The following HPSE2 variants were observed in gnomAD, a reference collection of about 807,000 sequenced individuals.
HPSE2 encodes heparanase 2 (inactive), also known as inactive heparanase-2.
In HPSE2, 38 loss-of-function variants were observed where a neutral mutation model predicts 60.5. That is an observed-to-expected ratio of 0.63 (90% CI 0.48 to 0.82). The LOEUF (loss-of-function observed/expected upper bound fraction) is 0.82. HPSE2 is among the 40% of genes least tolerant of loss of function. The pLI is 0.00. For synonymous variants in HPSE2, 295 were observed against 293.2 expected (o/e 1.01, Z -0.06); for missense variants, 713 against 740.4 (o/e 0.96, Z 0.43).
intron 3 of HPSE2, among the ~76,000 whole-genome samples, chr10:98,937,647 C>T (rs1402929514): frequency 3.5e-5 from 5 of 142,988 alleles, no homozygotes; most frequent in Non-Finnish European, 7.5e-5. Flanking sequence ...TAGGCTCCAC[C>T]TCTGGGGGCA....
At chr10:99,130,684 A>AACCATTAAACC (rs1845347855) in intron 3 of HPSE2, among the ~76,000 whole-genome samples, 1 of 152,198 alleles carries the variant, frequency 6.6e-6, no homozygotes. Flanking sequence ...GTAGTCAAAA[A>AACCATTAAACC]GTTAAAAGGA....
chr10:99,069,853 A>G (rs191698296), intron 3 of HPSE2, among the ~76,000 whole-genome samples: 42 of 152,042 alleles, frequency 2.8e-4, no homozygotes, highest in African/African-American at 9.2e-4. Flanking sequence ...TGGTAACATG[A>G]AAAAAAACTA....
chr10:99,036,037 C>G (rs1234204383), intron 3 of HPSE2, among the ~76,000 whole-genome samples: 1 of 151,960 alleles, frequency 6.6e-6, no homozygotes, highest in African/African-American at 2.4e-5. Context: ...AAAGCAAGAC[C>G]CTGTTCCTAC....
At chr10:98,776,278 C>CAAAA (rs35176062) in intron 3 of HPSE2, among the ~76,000 whole-genome samples, 4,320 of 136,894 alleles carry the variant, frequency 0.032, 150 homozygotes, top group East Asian at 0.16. Context: ...ACTAAAAATA[C>CAAAA]AAAAAAAAAA....
intron 11 of HPSE2, among the ~76,000 whole-genome samples, chr10:98,467,339 G>A (rs970792679): frequency 2.6e-5 from 4 of 152,194 alleles, no homozygotes; most frequent in Admixed American, 6.5e-5. Flanking sequence ...AAACACGTGG[G>A]CAAAAGAACT....
chr10:99,258,569 C>T, the HPSE2 span, among the ~76,000 whole-genome samples: 13 of 152,212 alleles, frequency 8.5e-5, no homozygotes, highest in African/African-American at 2.9e-4. Context: ...GGACCTAGAA[C>T]AGGCAAAACC....
intron 3 of HPSE2, among the ~76,000 whole-genome samples, chr10:99,125,103 C>A (rs1379111087): frequency 6.6e-6 from 1 of 152,178 alleles, no homozygotes; most frequent in Non-Finnish European, 1.5e-5. Flanking sequence ...ATTACCCATG[C>A]CCCCAATCAG....
At chr10:98,845,505 T>C (rs1952013789) in intron 3 of HPSE2, among the ~76,000 whole-genome samples, 1 of 152,222 alleles carries the variant, frequency 6.6e-6, no homozygotes, top group African/African-American at 2.4e-5. Context: ...CAAATTTTCA[T>C]GAGAGAATCA....
intron 3 of HPSE2, among the ~76,000 whole-genome samples, chr10:99,060,079 T>C (rs1188776428): frequency 4.0e-5 from 6 of 151,230 alleles, no homozygotes; most frequent in African/African-American, 1.5e-4. Context: ...CCTATGGATA[T>C]AAAAGAATAA....
chr10:99,204,768 TA>T (rs1335699144), intron 2 of HPSE2, among the ~76,000 whole-genome samples: 1 of 152,160 alleles, frequency 6.6e-6, no homozygotes, highest in Non-Finnish European at 1.5e-5. Flanking sequence ...AAGTTGCAGA[TA>T]AACTGCATAG....
Position 98,565,265 on chromosome 10 carries a change from G to C in HPSE2, c.1320+49639C>G, listed in dbSNP as rs545305064. Among the ~76,000 whole-genome samples the C allele has an allele frequency of 5.7e-4, 87 of 151,714 alleles. 1 individual carries two copies. Among genetic ancestry groups the C allele is most frequent in the African/African-American group, 1.9e-3 (79 of 41,348 alleles). The stretch of plus-strand genomic sequence containing the variant: ...GGTGGTTTGCTGTACCTATCAACCC[G>C]TCATCTAGGTTTTAAGCCCCACATG... On this transcript the variant is annotated intron_variant, in intron 9 of 11. Transcript: ENST00000370552.
At chr10:99,104,854 T>C (rs368079042) in intron 3 of HPSE2, among the ~76,000 whole-genome samples, 13 of 151,930 alleles carry the variant, frequency 8.6e-5, no homozygotes, top group East Asian at 1.9e-4. Flanking sequence ...TAGGTGGGAA[T>C]TGAACAATGA....
intron 2 of HPSE2, among the ~76,000 whole-genome samples, chr10:99,215,903 G>A (rs1183962030): frequency 2.0e-5 from 3 of 152,238 alleles, no homozygotes; most frequent in Non-Finnish European, 4.4e-5. Flanking sequence ...TATAGGATGT[G>A]AATTCTATCT....
Position 98,864,391 on chromosome 10 carries a change from T to A in HPSE2, c.611-120335A>T, listed in dbSNP as rs190785626. 1.4e-4 allele frequency among the ~76,000 whole-genome samples: 22 copies of A among 152,254 alleles called. No individual in the cohort carries two copies. In the East Asian group the frequency reaches 4.0e-3, roughly 28 times the overall value. On this transcript the variant is annotated intron_variant, in intron 3 of 11. Transcript: ENST00000370552. The stretch of plus-strand genomic sequence containing the variant: ...GAGGAGAACGAACCATTGTAATACC[T>A]AAGTTTTCTCACACACACACTCCAC...
chr10:99,224,664 A>G (rs999592315), intron 2 of HPSE2, among the ~76,000 whole-genome samples: 3 of 152,114 alleles, frequency 2.0e-5, no homozygotes, highest in African/African-American at 7.2e-5. Context: ...CTTTTCTTCC[A>G]TGAGGTCCCC....
At chr10:98,748,464 T>A (rs1949678432) in intron 3 of HPSE2, among the ~76,000 whole-genome samples, 1 of 152,198 alleles carries the variant, frequency 6.6e-6, no homozygotes, top group South Asian at 2.1e-4. Context: ...ACTTAAAGAT[T>A]ACTTTCTACT....
intron 11 of HPSE2, among the ~76,000 whole-genome samples, chr10:98,475,815 C>T (rs997266874): frequency 6.6e-6 from 1 of 152,142 alleles, no homozygotes; most frequent in Non-Finnish European, 1.5e-5. Flanking sequence ...GGGAGACAGT[C>T]TTAGAAGTAG....
At chr10:98,934,205 C>A (rs1237799407) in intron 3 of HPSE2, among the ~76,000 whole-genome samples, 6 of 144,018 alleles carry the variant, frequency 4.2e-5, no homozygotes, top group Non-Finnish European at 8.9e-5. Context: ...TACAGCACAC[C>A]AACAGGTCTT....
chr10:98,735,510 T>C (rs1949334427), intron 4 of HPSE2, among the ~76,000 whole-genome samples: 1 of 151,522 alleles, frequency 6.6e-6, no homozygotes, highest in African/African-American at 2.4e-5. Context: ...AGTAGAGCCA[T>C]GAGAAGAGGG....
Sources: allele counts gnomAD v4.1 joint callset (sites outside exome capture counted in the v4.1 genomes callset), GRCh38; gene constraint gnomAD v4.1.1; transcripts MANE v1.5; gene names NCBI Gene and HGNC (gene_info 2026-07-23, HGNC 2026-07-21).